The following MOB1B variants were observed in gnomAD, a reference collection of about 807,000 sequenced individuals.
MOB1B encodes MOB1 Mps One Binder homolog B.
In MOB1B, 19 loss-of-function variants were observed where a neutral mutation model predicts 24.4. That is an observed-to-expected ratio of 0.78 (90% confidence interval 0.54 to 1.14). The LOEUF (loss-of-function observed/expected upper bound fraction) is 1.14. Ranked by LOEUF, MOB1B falls within the 50% of genes most tolerant of loss-of-function variation. MOB1B has a pLI of 0.00. For synonymous variants in MOB1B, 76 were observed against 82.1 expected (o/e 0.93, Z 0.40); for missense variants, 243 against 259.6 (o/e 0.94, Z 0.44).
At chr4:70,929,154 T>TCTTTTCTTC (rs1454204445) in intron 1 of MOB1B, among the ~76,000 whole-genome samples, 2 of 151,010 alleles carry the variant, frequency 1.3e-5, no homozygotes, top group African/African-American at 4.9e-5. Flanking sequence ...CCCCTGTATT[T>TCTTTTCTTC]CTTTTCTTCT....
chr4:70,948,571 G>A (rs1187752115), intron 1 of MOB1B, among the ~76,000 whole-genome samples: 2 of 151,990 alleles, frequency 1.3e-5, no homozygotes, highest in Non-Finnish European at 2.9e-5. Flanking sequence ...ATATAATAGT[G>A]TCTCTGTTAT....
At chr4:70,947,150 T>A (rs1480026408) in intron 1 of MOB1B, among the ~76,000 whole-genome samples, 1 of 152,210 alleles carries the variant, frequency 6.6e-6, no homozygotes, top group Non-Finnish European at 1.5e-5. Flanking sequence ...ATTACACAAT[T>A]TCCCTAAGCT....
chr4:70,907,735 C>T (rs979630788), intron 1 of MOB1B, among the ~76,000 whole-genome samples: 1 of 152,094 alleles, frequency 6.6e-6, no homozygotes, highest in African/African-American at 2.4e-5. Context: ...ATTGCTTGAA[C>T]CCAGGAGGCA....
chr4:70,978,846 G>GGT lies in MOB1B; in HGVS notation c.410-267_410-266dup, dbSNP rs149161840. On this transcript the variant is annotated intron_variant, in intron 4 of 5. Coordinates refer to ENST00000309395, the MANE Select transcript of MOB1B (RefSeq NM_173468.4). Reference sequence around the variant, plus strand: ...GAGTTTAAGCTCCACTACCATCTTGGGTGTGTGTGTGTGTGTTTCATTTTA... The same window carrying GGT: ...GAGTTTAAGCTCCACTACCATCTTGGGTGTGTGTGTGTGTGTGTTTCATTTTA... 3.1e-3 allele frequency among the ~76,000 whole-genome samples: 476 copies of GGT among 151,606 alleles called. 4 individuals carry two copies. The highest frequency in any genetic ancestry group is 0.01 in the African/African-American group (434 of 41,354).
intron 1 of MOB1B, among the ~76,000 whole-genome samples, chr4:70,926,601 A>T (rs546544528): frequency 6.6e-6 from 1 of 152,230 alleles, no homozygotes. Flanking sequence ...TGTCTTACAA[A>T]TGTATGGCAT....
intron 5 of MOB1B, among the ~76,000 whole-genome samples, chr4:70,980,896 AC>A (rs1735330317): frequency 6.6e-6 from 1 of 151,976 alleles, no homozygotes; most frequent in East Asian, 1.9e-4. Flanking sequence ...CGTATGTGAG[AC>A]CTCTTGAGGT....
chr4:70,944,779 G>C (rs1445748186), intron 1 of MOB1B, among the ~76,000 whole-genome samples: 1 of 152,098 alleles, frequency 6.6e-6, no homozygotes, highest in African/African-American at 2.4e-5. Flanking sequence ...GAGAGAGAAA[G>C]GGGGAGAGTA....
At position 70,987,214 on chromosome 4, in the gene MOB1B, A is replaced by T. The variant is rs1739408773; in HGVS notation, c.*5157A>T. 1 of 152,008 alleles carries T rather than the reference A, an allele frequency of 6.6e-6. No individual in the cohort carries two copies. The highest frequency in any genetic ancestry group is 1.5e-5 in the Non-Finnish European group (1 of 67,938). The allele number at this position is 152,008 out of a possible 1,614,324, so 9.4% of individuals were successfully genotyped here. ...AAATTAGTGTTTGACAGCTTTTTTTAAATTATTTCACTGAAGCTGAGATTA... is the reference window on the plus strand; with the variant it reads ...AAATTAGTGTTTGACAGCTTTTTTTTAATTATTTCACTGAAGCTGAGATTA... On this transcript the variant is annotated 3_prime_UTR_variant, in exon 6 of 6. Transcript: ENST00000309395.
chr4:70,935,037 T>C (rs1737026979), intron 1 of MOB1B, among the ~76,000 whole-genome samples: 1 of 152,196 alleles, frequency 6.6e-6, no homozygotes, highest in Non-Finnish European at 1.5e-5. Context: ...TGGGCTCAAA[T>C]GATCCTTCTG....
At chr4:70,941,867 A>G (rs779078382) in intron 1 of MOB1B, among the ~76,000 whole-genome samples, 1 of 152,228 alleles carries the variant, frequency 6.6e-6, no homozygotes, top group African/African-American at 2.4e-5. Context: ...AGATACTTCA[A>G]TATCTGTCAG....
chr4:70,968,556 C>T (rs1738630444), intron 2 of MOB1B, among the ~76,000 whole-genome samples: 1 of 151,958 alleles, frequency 6.6e-6, no homozygotes, highest in African/African-American at 2.4e-5. Flanking sequence ...AGGTGATCAC[C>T]TGCCTCAGTC....
chr4:70,929,161 TTC>T (rs1401085583), intron 1 of MOB1B, among the ~76,000 whole-genome samples: 1 of 149,402 alleles, frequency 6.7e-6, no homozygotes, highest in Non-Finnish European at 1.5e-5. Context: ...ATTTCTTTTC[TTC>T]TTTTTCTTTT....
chr4:70,959,096 T>G, intron 2 of MOB1B, 56 bp downstream of exon 2: 14 of 1,388,820 alleles, frequency 1.0e-5, no homozygotes, highest in Non-Finnish European at 1.3e-5. Flanking sequence ...AGCCTCATTG[T>G]TGGTGAGTGT....
In MOB1B at chr4:70,986,130, A is replaced by AT. The variant is rs1468326096; in HGVS notation, c.*4078dup. The AT allele has an allele frequency of 1.3e-5, 2 of 152,276 alleles. No homozygotes were observed. The highest frequency in any genetic ancestry group is 2.1e-4 in the South Asian group (1 of 4,830). 9.4% of individuals were successfully genotyped at this position (152,276 alleles called of 1,614,324 possible). On this transcript the variant is annotated 3_prime_UTR_variant, in exon 6 of 6. Transcript: ENST00000309395. Reference sequence around the variant, plus strand: ...GTCCTTTCTCTAGAACTTGTTTTCTATTTTTGTTCCTTTTCATGAAAACTT... The same window carrying AT: ...GTCCTTTCTCTAGAACTTGTTTTCTATTTTTTGTTCCTTTTCATGAAAACTT...
intron 1 of MOB1B, among the ~76,000 whole-genome samples, chr4:70,933,465 A>AT (rs1736959109): frequency 7.1e-6 from 1 of 141,246 alleles, no homozygotes; most frequent in African/African-American, 2.6e-5. Context: ...AAAAAACTTT[A>AT]TTTTTGTCAG....
At chr4:70,911,477 T>G (rs1735987035) in intron 1 of MOB1B, among the ~76,000 whole-genome samples, 1 of 151,860 alleles carries the variant, frequency 6.6e-6, no homozygotes, top group African/African-American at 2.4e-5. Context: ...ATGTGGGGAG[T>G]GGAAGTAAAT....
chr4:70,944,143 T>G (rs1737474165), intron 1 of MOB1B, among the ~76,000 whole-genome samples: 1 of 152,178 alleles, frequency 6.6e-6, no homozygotes, highest in South Asian at 2.1e-4. Flanking sequence ...CAAGTGATTC[T>G]CCTGCCCTAG....
At chr4:70,973,352 C>T (rs1738843330) in intron 3 of MOB1B, among the ~76,000 whole-genome samples, 2 of 151,490 alleles carry the variant, frequency 1.3e-5, no homozygotes, top group African/African-American at 4.9e-5. Context: ...CACCTGTAAT[C>T]TCGGCACTTT....
chr4:70,933,344 A>G (rs1005668200), intron 1 of MOB1B, among the ~76,000 whole-genome samples: 2 of 152,116 alleles, frequency 1.3e-5, no homozygotes, highest in African/African-American at 2.4e-5. Flanking sequence ...ATTATATAGT[A>G]TATTTAGGTT....
Sources: allele counts gnomAD v4.1 joint callset (sites outside exome capture counted in the v4.1 genomes callset), GRCh38; gene constraint gnomAD v4.1.1; transcripts MANE v1.5; gene names NCBI Gene and HGNC (gene_info 2026-07-23, HGNC 2026-07-21).